The following ABR variants were observed in gnomAD, a reference collection of about 807,000 sequenced individuals.
ABR encodes ABR activator of RhoGEF and GTPase, also known as active breakpoint cluster region-related protein.
A neutral mutation model predicts 107.2 loss-of-function variants in ABR; 35 were observed. That is an observed-to-expected ratio of 0.33 (90% confidence interval 0.25 to 0.43). The LOEUF (loss-of-function observed/expected upper bound fraction) is 0.43, where lower values mean the gene tolerates loss of function less well. Among genes scored for constraint, ABR ranks in the 20% least tolerant of loss-of-function variants. The pLI, the probability that ABR is intolerant of heterozygous loss-of-function variation, is 1.00. For missense variants in ABR, 815 were observed against 1,115.2 expected, an observed-to-expected ratio of 0.73 and a Z score of 3.83; for synonymous variants, 498 against 462.0, an observed-to-expected ratio of 1.08 and a Z score of -1.00.
chr17:1,130,360 A>T (rs1179166594), intron 1 of ABR, among the ~76,000 whole-genome samples: 2 of 149,938 alleles, frequency 1.3e-5, no homozygotes, highest in Non-Finnish European at 3.0e-5. Flanking sequence ...CATCTCCTGC[A>T]CTGTGAGGCA....
chr17:1,124,197 G>T (rs930089864), intron 2 of ABR, among the ~76,000 whole-genome samples: 1 of 151,522 alleles, frequency 6.6e-6, no homozygotes, highest in African/African-American at 2.4e-5. Context: ...GGAGCAGGGG[G>T]TTCTCAAGAA....
chr17:1,125,762 TAAG>T, intron 1 of ABR: 1 of 255,584 alleles, frequency 3.9e-6, no homozygotes, highest in Non-Finnish European at 7.3e-6. Flanking sequence ...TTATAGGGAA[TAAG>T]GAGGTGGGGG....
intron 18 of ABR, 71 bp downstream of exon 18, chr17:1,012,617 G>A (rs905639717): frequency 3.7e-5 from 44 of 1,178,814 alleles, no homozygotes; most frequent in South Asian, 1.3e-4. Flanking sequence ...GGCGGGGAGG[G>A]CTGGGGGGCC....
chr17:1,058,736 C>A lies in ABR; in HGVS notation c.1305+9G>T. ...GGGCTGTCTTGGTCCCACCCCCACCCATCCTGACCTTTCCATTCCGATTGT... is the reference window on the plus strand; with the variant it reads ...GGGCTGTCTTGGTCCCACCCCCACCAATCCTGACCTTTCCATTCCGATTGT... On this transcript the variant is annotated intron_variant, in intron 11 of 22. Coordinates refer to ENST00000302538, the MANE Select transcript of ABR (RefSeq NM_021962.5). 6.2e-7 allele frequency: 1 copy of A among 1,613,884 alleles called. No individual in the cohort carries two copies. The highest frequency in any genetic ancestry group is 8.5e-7 in the Non-Finnish European group (1 of 1,179,866).
At chr17:1,127,985 C>T (rs1358166733) in intron 1 of ABR, among the ~76,000 whole-genome samples, 1 of 152,206 alleles carries the variant, frequency 6.6e-6, no homozygotes, top group Non-Finnish European at 1.5e-5. Context: ...CTCAAATGCC[C>T]TCCCTTTCCC....
intron 1 of ABR, among the ~76,000 whole-genome samples, chr17:1,146,493 G>C (rs1401624571): frequency 6.6e-6 from 1 of 152,156 alleles, no homozygotes; most frequent in African/African-American, 2.4e-5. Flanking sequence ...TCTGTAAACA[G>C]CTCAGCACAG....
intron 2 of ABR, among the ~76,000 whole-genome samples, chr17:1,114,739 C>T (rs2038905559): frequency 6.6e-6 from 1 of 152,042 alleles, no homozygotes; most frequent in African/African-American, 2.4e-5. Flanking sequence ...CGCCACTGCA[C>T]TCCAGCCTGG....
intron 1 of ABR, among the ~76,000 whole-genome samples, chr17:1,175,409 C>G (rs1001502397): frequency 3.3e-5 from 5 of 151,932 alleles, no homozygotes; most frequent in African/African-American, 1.2e-4. Flanking sequence ...GAGACTCTGT[C>G]TCAAAAAAAA....
At chr17:1,116,110 C>T (rs1377677123) in intron 2 of ABR, among the ~76,000 whole-genome samples, 4 of 151,576 alleles carry the variant, frequency 2.6e-5, no homozygotes, top group African/African-American at 7.3e-5. Flanking sequence ...ATCCCAGCTA[C>T]TTGGGAGGCT....
At chr17:1,203,703 C>T (rs1035405380) in intron 1 of ABR, among the ~76,000 whole-genome samples, 1 of 152,114 alleles carries the variant, frequency 6.6e-6, no homozygotes, top group Non-Finnish European at 1.5e-5. Flanking sequence ...CTTCAGGGCC[C>T]GGGTCGTGTC....
At chr17:1,146,799 A>G (rs946533813) in intron 1 of ABR, among the ~76,000 whole-genome samples, 4 of 132,242 alleles carry the variant, frequency 3.0e-5, no homozygotes, top group African/African-American at 1.2e-4. Context: ...CCACCATGCC[A>G]CCACTGCCAC....
At chr17:1,160,849 G>A (rs1175526704) in intron 1 of ABR, among the ~76,000 whole-genome samples, 3 of 152,208 alleles carry the variant, frequency 2.0e-5, no homozygotes, top group Non-Finnish European at 2.9e-5. Flanking sequence ...CAGAGGCCAC[G>A]CTCCACAAAG....
At chr17:1,183,945 T>G (rs2042213721), upstream of ABR, among the ~76,000 whole-genome samples, 1 of 152,124 alleles carries the variant, frequency 6.6e-6, no homozygotes, top group East Asian at 1.9e-4. Context: ...GCGCGGTGGC[T>G]CATGCCTGTA....
At chr17:1,058,136 CTTTTTTTTTT>C in intron 11 of ABR, 91 bp from the exon 12 acceptor site, 2 of 318,116 alleles carry the variant, frequency 6.3e-6, no homozygotes, top group African/African-American at 2.9e-5. Context: ...CTCCTTTTAT[CTTTTTTTTTT>C]TTTTTTTTTT....
chr17:1,211,605 A>T (rs1478709280), intron 1 of ABR, among the ~76,000 whole-genome samples: 2 of 152,198 alleles, frequency 1.3e-5, no homozygotes, highest in African/African-American at 2.4e-5. Context: ...TAACACATCC[A>T]TTTTACAGAT....
chr17:1,029,170 C>T (rs1413752601), intron 16 of ABR, among the ~76,000 whole-genome samples: 1 of 151,984 alleles, frequency 6.6e-6, no homozygotes, highest in Non-Finnish European at 1.5e-5. Context: ...TACCGAGAGC[C>T]CTGGCTGAAC....
At chr17:1,057,310 GTGTGTGTGTGTGTGT>G (rs1361536993) in intron 12 of ABR, among the ~76,000 whole-genome samples, 12 of 1,800 alleles carry the variant, frequency 6.7e-3, no homozygotes, top group East Asian at 0.043. Flanking sequence ...GAAGAGGTTT[GTGTGTGTGTGTGTGT>G]GTGTGTGTGT....
chr17:1,126,564 CACTGG>C (rs2039612134), intron 1 of ABR: 1 of 152,316 alleles, frequency 6.6e-6, no homozygotes, highest in Non-Finnish European at 1.5e-5. Flanking sequence ...GCCTCCTACG[CACTGG>C]ACTGCCCAGT....
chr17:1,015,148 G>A (rs1242780989), intron 16 of ABR, among the ~76,000 whole-genome samples: 1 of 152,094 alleles, frequency 6.6e-6, no homozygotes, highest in Non-Finnish European at 1.5e-5. Flanking sequence ...CAGGCACGGT[G>A]GCTCACGCCT....
Sources: allele counts gnomAD v4.1 joint callset (sites outside exome capture counted in the v4.1 genomes callset), GRCh38; gene constraint gnomAD v4.1.1; transcripts MANE v1.5; gene names NCBI Gene and HGNC (gene_info 2026-07-23, HGNC 2026-07-21).